IL16: variants seen among roughly 807,000 people sequenced by gnomAD.
IL16 encodes pro-interleukin-16.
Under a neutral mutation model 110.1 loss-of-function variants are expected in IL16, and 67 were observed. The ratio of observed to expected loss-of-function variants is 0.61; its 90% CI spans 0.50 to 0.75. IL16 has a LOEUF of 0.75. Ranked by LOEUF, IL16 falls within the 30% of genes least tolerant of loss-of-function variation. IL16 has a pLI of 0.00. For synonymous variants in IL16, 689 were observed against 662.9 expected (o/e 1.04, Z -0.61); for missense variants, 1,545 against 1,655.0 (o/e 0.93, Z 1.15).
At chr15:81,234,113 G>A (rs74030035) in intron 2 of IL16, among the ~76,000 whole-genome samples, 377 of 152,188 alleles carry the variant, frequency 2.5e-3, no homozygotes, top group African/African-American at 8.6e-3. Context: ...GAGTGGTTGC[G>A]TGGTATATCT....
At chr15:81,308,453 GC>G in intron 18 of IL16, 151 bp from the exon 19 acceptor site, 1 of 587,280 alleles carries the variant, frequency 1.7e-6, no homozygotes, top group Non-Finnish European at 3.0e-6. Context: ...CTTAAGAGAT[GC>G]CTCATTTTAG....
At chr15:81,186,410 T>C (rs1895420129) in intron 1 of IL16, among the ~76,000 whole-genome samples, 2 of 152,024 alleles carry the variant, frequency 1.3e-5, no homozygotes, top group African/African-American at 4.8e-5. Flanking sequence ...CTAAAGCCTG[T>C]ACTCTTAGTA....
intron 11 of IL16, among the ~76,000 whole-genome samples, chr15:81,290,896 A>C (rs1404123150): frequency 6.6e-6 from 1 of 152,254 alleles, no homozygotes; most frequent in Non-Finnish European, 1.5e-5. Flanking sequence ...ATAATAATAG[A>C]ATATTAGAAA....
intron 10 of IL16, among the ~76,000 whole-genome samples, chr15:81,288,360 T>C (rs1303172274): frequency 6.6e-6 from 1 of 152,234 alleles, no homozygotes; most frequent in Non-Finnish European, 1.5e-5. Flanking sequence ...ACAGGACTGT[T>C]GTGGATGGTA....
In IL16 at chr15:81,230,930, C is replaced by T. The variant is rs113656425; in HGVS notation, c.312+5219C>T. On this transcript the variant is annotated intron_variant, in intron 2 of 18. Transcript: ENST00000683961. ...AGAGCATGGGGGATGCAGGTGAAGA[C>T]GGAGGTGAAAATGCAGAGGGAGACA... 6.8e-3 allele frequency among the ~76,000 whole-genome samples: 1,037 copies of T among 151,914 alleles called. 7 individuals carry two copies. The highest frequency in any genetic ancestry group is 0.016 in the Admixed American group (249 of 15,274).
chr15:81,247,407 T>C (rs572105828), intron 2 of IL16, among the ~76,000 whole-genome samples: 3 of 152,354 alleles, frequency 2.0e-5, no homozygotes, highest in East Asian at 1.9e-4. Flanking sequence ...CAGTATGATT[T>C]CTTCTTTGAC....
intron 14 of IL16, among the ~76,000 whole-genome samples, 160 bp from the exon 15 acceptor site, chr15:81,301,184 G>A (rs1900266363): frequency 6.6e-6 from 1 of 152,200 alleles, no homozygotes; most frequent in Non-Finnish European, 1.5e-5. Context: ...GGAAATATCT[G>A]TAGAGTGAAG....
intron 18 of IL16, among the ~76,000 whole-genome samples, chr15:81,308,317 C>T (rs934933841): frequency 5.3e-5 from 8 of 152,172 alleles, no homozygotes; most frequent in South Asian, 2.1e-4. Flanking sequence ...GAACTATGGA[C>T]GGTGCTCCAG....
intron 2 of IL16, among the ~76,000 whole-genome samples, chr15:81,241,598 A>G (rs1234002485): frequency 1.3e-5 from 2 of 152,124 alleles, no homozygotes; most frequent in Non-Finnish European, 2.9e-5. Flanking sequence ...TTGCTGGCAT[A>G]TGGAATGCAA....
chr15:81,188,879 AG>A (rs1310507627), intron 1 of IL16, among the ~76,000 whole-genome samples: 2 of 152,152 alleles, frequency 1.3e-5, no homozygotes, highest in East Asian at 3.9e-4. Flanking sequence ...CCTGGCAGCA[AG>A]GCTTTATTCT....
chr15:81,259,028 A>G (rs1229145354), intron 2 of IL16, among the ~76,000 whole-genome samples: 1 of 152,190 alleles, frequency 6.6e-6, no homozygotes, highest in Non-Finnish European at 1.5e-5. Flanking sequence ...ATAATAAATT[A>G]ACATATATAT....
rs761611810 is a variant in IL16, at chr15:81,282,735, C to T, written c.1178C>T (p.Ala393Val). 5 of 1,613,110 alleles carry T rather than the reference C, an allele frequency of 3.1e-6. No individual in the cohort carries two copies. The highest frequency in any genetic ancestry group is 2.7e-5 in the African/African-American group (2 of 74,920). The change falls in exon 9 of 19, where the codon GCG (alanine) becomes GTG (valine). Residue 393 changes from alanine (A) to valine (V), a missense_variant. Transcript: ENST00000683961. ...FVHTLSPGSV[A>V]HLDGRLRCGD... is the part of the protein sequence containing the mutation. ...CACACGCTGTCACCAGGATCCGTGG[C>T]GCACCTGGACGGACGTCTCCGGTAT...
chr15:81,205,102 T>C (rs559364445), intron 1 of IL16, among the ~76,000 whole-genome samples: 10 of 150,900 alleles, frequency 6.6e-5, no homozygotes, highest in African/African-American at 2.4e-4. Flanking sequence ...AGGCCAGGAG[T>C]TCAAGACCAG....
Position 81,310,718 on chromosome 15 carries a change from A to T in IL16, c.*1920A>T, listed in dbSNP as rs190185001. On this transcript the variant is annotated 3_prime_UTR_variant, in exon 19 of 19. Transcript: ENST00000683961. ...TCCCTAAAATCAGGGAATTGTTTTA[A>T]GTCTTATCAAGCAGCCAAGGGATGA... 1.2e-4 allele frequency: 19 copies of T among 152,280 alleles called. No individual in the cohort carries two copies. Among genetic ancestry groups the T allele is most frequent in the African/African-American group, 4.6e-4 (19 of 41,524 alleles). The allele number at this position is 152,280 out of a possible 1,614,324, so 9.4% of individuals were successfully genotyped here.
chr15:81,231,047 A>G (rs1012378398), intron 2 of IL16, among the ~76,000 whole-genome samples: 24 of 151,940 alleles, frequency 1.6e-4, no homozygotes, highest in African/African-American at 5.8e-4. Context: ...TCACAAATAA[A>G]TCATTTTCTG....
intron 1 of IL16, among the ~76,000 whole-genome samples, chr15:81,202,124 A>G (rs28617340): frequency 0.16 from 25,001 of 152,200 alleles, 4,709 homozygotes; most frequent in African/African-American, 0.46. Context: ...AAATGCAATC[A>G]TCCTTAGTCA....
At chr15:81,270,196 T>C (rs67157897) in intron 5 of IL16, among the ~76,000 whole-genome samples, 32,588 of 152,130 alleles carry the variant, frequency 0.21, 3,690 homozygotes, top group African/African-American at 0.26. Context: ...CTCTGCTTCA[T>C]AATGGAGATA....
Position 81,278,860 on chromosome 15 carries a change from A to G in IL16, c.834A>G (p.Leu278=), listed in dbSNP as rs1489973632. Residue 278 remains leucine, a synonymous_variant, in exon 7 of 19, where the codon CTA becomes CTG. Coordinates refer to ENST00000683961, the MANE Select transcript of IL16 (RefSeq NM_172217.5). The part of the protein sequence containing the change: ...LELNGESMAG[L]THQDALQKFK... Reference sequence around the variant, plus strand: ...TCAATGGTGAATCAATGGCTGGACTAACACATCAGGATGCTTTGCAGAAGT... The same window carrying G: ...TCAATGGTGAATCAATGGCTGGACTGACACATCAGGATGCTTTGCAGAAGT... The G allele has an allele frequency of 6.2e-7, 1 of 1,613,348 alleles. No homozygotes were observed. The highest frequency in any genetic ancestry group is 1.7e-5 in the Admixed American group (1 of 60,026).
chr15:81,305,684 T>TAAAAAA, intron 16 of IL16: 3 of 578,364 alleles, frequency 5.2e-6, no homozygotes, highest in Admixed American at 3.1e-5. Context: ...TGGGATGGAT[T>TAAAAAA]CTGAGGGCTT....
Sources: allele counts gnomAD v4.1 joint callset (sites outside exome capture counted in the v4.1 genomes callset), GRCh38; gene constraint gnomAD v4.1.1; transcripts MANE v1.5; gene names NCBI Gene and HGNC (gene_info 2026-07-23, HGNC 2026-07-21).